Variants in RAPGEF1 observed in about 807,000 individuals in gnomAD.
RAPGEF1 encodes Rap guanine nucleotide exchange factor 1.
A neutral mutation model predicts 143.3 loss-of-function variants in RAPGEF1; 33 were observed. The ratio of observed to expected loss-of-function variants is 0.23; its 90% CI spans 0.17 to 0.31. The LOEUF is 0.31. Among genes scored for constraint, RAPGEF1 ranks in the 10% least tolerant of loss-of-function variants. RAPGEF1 has a pLI of 1.00. For missense variants in RAPGEF1, 1,199 were observed against 1,645.4 expected, an observed-to-expected ratio of 0.73 and a Z score of 4.69; for synonymous variants, 629 against 676.5, an observed-to-expected ratio of 0.93 and a Z score of 1.09.
At chr9:131,731,231 T>C (rs1283050466) in intron 1 of RAPGEF1, among the ~76,000 whole-genome samples, 1 of 152,158 alleles carries the variant, frequency 6.6e-6, no homozygotes, top group Non-Finnish European at 1.5e-5. Flanking sequence ...GTGTAAAATA[T>C]ACAGAAGCGA....
intron 1 of RAPGEF1, among the ~76,000 whole-genome samples, chr9:131,676,564 G>A (rs1026945550): frequency 3.9e-5 from 6 of 152,200 alleles, no homozygotes; most frequent in Admixed American, 1.3e-4. Context: ...TACCTGGAAC[G>A]ACACCTCCTG....
chr9:131,583,431 C>T lies in RAPGEF1; in HGVS notation c.3415-729G>A, dbSNP rs1952193714. Among the ~76,000 whole-genome samples the T allele has an allele frequency of 6.6e-6, 1 of 152,070 alleles. No individual in the cohort carries two copies. Among genetic ancestry groups the T allele is most frequent in the Admixed American group, 6.5e-5 (1 of 15,274 alleles). On this transcript the variant is annotated intron_variant, in intron 24 of 26. Transcript: ENST00000683357. This position sits in a 1 kb window ranked among gnomAD's most constrained non-coding sequence, Gnocchi z 4.7. Reference sequence around the variant, plus strand: ...GACACCCGGGTCTCTGACATGACCCCTGGGTGGCCTGGGTCACACTCGGGT... The same window carrying T: ...GACACCCGGGTCTCTGACATGACCCTTGGGTGGCCTGGGTCACACTCGGGT...
intron 22 of RAPGEF1, among the ~76,000 whole-genome samples, chr9:131,586,102 C>T (rs1305414735): frequency 6.6e-6 from 1 of 151,986 alleles, no homozygotes; most frequent in Non-Finnish European, 1.5e-5. Flanking sequence ...TGGCGTGAAC[C>T]CGGGAGGTGG....
At chr9:131,614,827 G>C (rs1274915213) in intron 12 of RAPGEF1, among the ~76,000 whole-genome samples, 1 of 144,516 alleles carries the variant, frequency 6.9e-6, no homozygotes, top group Non-Finnish European at 1.5e-5. Flanking sequence ...AACTCTCTTA[G>C]CCTGAAGTTT....
chr9:131,597,619 T>C (rs927432534), intron 16 of RAPGEF1, among the ~76,000 whole-genome samples: 1 of 152,232 alleles, frequency 6.6e-6, no homozygotes, highest in Admixed American at 6.5e-5. Context: ...CTCTCTGTCC[T>C]GCTTCCTCTC....
chr9:131,587,673 G>A (rs537612019), intron 22 of RAPGEF1, 63 bp downstream of exon 22: 57 of 1,472,788 alleles, frequency 3.9e-5, no homozygotes, highest in Non-Finnish European at 4.7e-5. Flanking sequence ...AAAGGAAAAC[G>A]CAGAGCCCAC....
chr9:131,678,367 A>T (rs1832615457), intron 1 of RAPGEF1, among the ~76,000 whole-genome samples: 1 of 152,252 alleles, frequency 6.6e-6, no homozygotes, highest in African/African-American at 2.4e-5. Context: ...ATGTAAAGTA[A>T]CTTTGAATCT....
rs1315314768 is a variant in RAPGEF1, at chr9:131,605,102, A to T, written c.2148T>A (p.Ser716=). Residue 716 remains serine, a synonymous_variant, in exon 13 of 27, where the codon TCT becomes TCA. Transcript: ENST00000683357. ...GGGCAGGTGGGAAATGTGGAGAGGA[A>T]GAGGAGGTAGGCGGAAGGAAAGGCG... ...SVPPFLPPTS[S]SSPHFPPAHQ... is the part of the protein sequence containing the mutation. 9 of 1,364,966 alleles carry T rather than the reference A, an allele frequency of 6.6e-6. No homozygotes were observed. The highest frequency in any genetic ancestry group is 8.8e-6 in the Non-Finnish European group (9 of 1,021,332). 84.6% of individuals were successfully genotyped at this position (1,364,966 alleles called of 1,614,324 possible).
intron 1 of RAPGEF1, among the ~76,000 whole-genome samples, chr9:131,700,346 T>C (rs776224309): frequency 4.3e-4 from 66 of 152,252 alleles, no homozygotes; most frequent in Admixed American, 7.2e-4. Context: ...TTCTGATCAC[T>C]CTCCCTTTCC....
At chr9:131,731,218 C>A (rs561093948) in intron 1 of RAPGEF1, among the ~76,000 whole-genome samples, 1 of 152,256 alleles carries the variant, frequency 6.6e-6, no homozygotes, top group African/African-American at 2.4e-5. Flanking sequence ...AATGCAACCA[C>A]AAGTGTAAAA....
chr9:131,628,005 C>T lies in RAPGEF1; in HGVS notation c.1109G>A (p.Ser370Asn), dbSNP rs1294247888. The T allele has an allele frequency of 3.8e-6, 6 of 1,596,096 alleles. No individual in the cohort carries two copies. The highest frequency in any genetic ancestry group is 1.7e-5 in the Admixed American group (1 of 57,360). The change falls in exon 9 of 27, where the codon AGC (serine) becomes AAC (asparagine). Residue 370 changes from serine to asparagine, a missense_variant. By Grantham distance (46) the Ser-to-Asn change is conservative (BLOSUM62 1). Coordinates refer to ENST00000683357, the MANE Select transcript of RAPGEF1 (RefSeq NM_001377935.1). This position sits in a 1 kb window ranked among gnomAD's most constrained non-coding sequence, Gnocchi z 5.7. The stretch of plus-strand genomic sequence containing the variant: ...GTCTGACTTGCTGAGCTTGCCTATG[C>T]TGCTGCAGGGGGAGAGGCGGGGCGA... Reference protein sequence around the residue: ...GESPRLSPCSSIGKLSKSDEQ... With the variant: ...GESPRLSPCSNIGKLSKSDEQ...
intron 5 of RAPGEF1, among the ~76,000 whole-genome samples, chr9:131,632,282 C>T (rs1461162388): frequency 6.7e-6 from 1 of 148,996 alleles, no homozygotes; most frequent in African/African-American, 2.5e-5. Context: ...GCACCTGCCA[C>T]TGCACCCGGC....
chr9:131,736,767 G>A (rs1425105156), intron 1 of RAPGEF1, among the ~76,000 whole-genome samples: 1 of 152,180 alleles, frequency 6.6e-6, no homozygotes, highest in Non-Finnish European at 1.5e-5. Flanking sequence ...TCTACTTTCA[G>A]GGAGAGGAGA....
chr9:131,705,568 AT>A (rs575309114), intron 1 of RAPGEF1, among the ~76,000 whole-genome samples: 10 of 151,938 alleles, frequency 6.6e-5, no homozygotes, highest in East Asian at 1.9e-4. Flanking sequence ...TCCCCATCTT[AT>A]TTTTTTCTGT....
At chr9:131,619,359 C>A (rs181288651) in intron 11 of RAPGEF1, 153 bp from the exon 12 acceptor site, 9 of 585,004 alleles carry the variant, frequency 1.5e-5, no homozygotes, top group Non-Finnish European at 1.8e-5. Flanking sequence ...AGTTCAGGGA[C>A]TAAAACCAGC....
chr9:131,665,639 C>T (rs567024945), intron 1 of RAPGEF1, among the ~76,000 whole-genome samples: 23 of 152,044 alleles, frequency 1.5e-4, no homozygotes, highest in South Asian at 2.1e-4. Flanking sequence ...AACCATGTGC[C>T]GCCCCAACCA....
intron 25 of RAPGEF1, 35 bp from the exon 26 acceptor site, chr9:131,580,426 C>G (rs377281454): frequency 6.2e-7 from 1 of 1,604,184 alleles, no homozygotes. Context: ...GTTACTGCTA[C>G]GGGGTTTGGA....
At position 131,582,579 on chromosome 9, in the gene RAPGEF1, GGGGGCCTGGA is replaced by G; in HGVS notation, c.3512+16_3512+25del. On this transcript the variant is annotated intron_variant, in intron 25 of 26. Coordinates refer to ENST00000683357, the MANE Select transcript of RAPGEF1 (RefSeq NM_001377935.1). ...AATGGAGGCAAACCCAGGCGGGGCT[GGGGGCCTGGA>G]GGGGCTGCTACTCACAGGTACGGGA... is the stretch of plus-strand genomic sequence containing the variant. 6.8e-7 allele frequency: 1 copy of G among 1,463,212 alleles called. No homozygotes were observed. Among genetic ancestry groups the G allele is most frequent in the Non-Finnish European group, 9.1e-7 (1 of 1,103,282 alleles). 90.6% of individuals were successfully genotyped at this position (1,463,212 alleles called of 1,614,324 possible).
chr9:131,580,402 G>A lies in RAPGEF1; in HGVS notation c.3513-11C>T, dbSNP rs145204364. The A allele has an allele frequency of 1.1e-5, 17 of 1,611,662 alleles. No individual in the cohort carries two copies. The highest frequency in any genetic ancestry group is 4.0e-5 in the African/African-American group (3 of 75,014). Reference sequence around the variant, plus strand: ...TGCAGGATCAGCCCCCTGGGAGGACGGGTTAGGCAGCCTGTTACTGCTACG... The same window carrying A: ...TGCAGGATCAGCCCCCTGGGAGGACAGGTTAGGCAGCCTGTTACTGCTACG... On this transcript the variant is annotated splice_polypyrimidine_tract_variant and intron_variant, in intron 25 of 26. Transcript: ENST00000683357.
Sources: allele counts gnomAD v4.1 joint callset (sites outside exome capture counted in the v4.1 genomes callset), GRCh38; gene constraint gnomAD v4.1.1; non-coding constraint Gnocchi (gnomAD v3.1); transcripts MANE v1.5; gene names NCBI Gene and HGNC (gene_info 2026-07-23, HGNC 2026-07-21).